CRAMP1: variants seen among roughly 807,000 people sequenced by gnomAD.
CRAMP1 encodes cramped chromatin regulator 1, also known as protein cramped-like.
Under a neutral mutation model 115.4 loss-of-function variants are expected in CRAMP1, and 50 were observed. That is an observed-to-expected ratio of 0.43 (90% CI 0.35 to 0.55). The LOEUF (loss-of-function observed/expected upper bound fraction) is 0.55. CRAMP1 is among the 20% of genes least tolerant of loss of function. The pLI is 0.01. For missense variants in CRAMP1, 1,679 were observed against 1,721.7 expected (o/e 0.98, Z 0.44); for synonymous variants, 866 against 745.4 (o/e 1.16, Z -2.64).
chr16:1,643,956 CTTT>C, intron 6 of CRAMP1, among the ~76,000 whole-genome samples: 3 of 152,238 alleles, frequency 2.0e-5, no homozygotes. Flanking sequence ...ATTGATTGTC[CTTT>C]TTCTTAAGGA....
At position 1,669,867 on chromosome 16, in the gene CRAMP1, C is replaced by T. The variant is rs947808664; in HGVS notation, c.3499+702C>T. 2.0e-5 allele frequency among the ~76,000 whole-genome samples: 3 copies of T among 152,154 alleles called. No individual in the cohort carries two copies. In the East Asian group the frequency reaches 5.8e-4, roughly 29 times the overall value. Reference sequence around the variant, plus strand: ...GCCTGACAGCTCTGAACCAGTTGGGCGACCTGGGTCTGGGAGGTGCTGAGG... The same window carrying T: ...GCCTGACAGCTCTGAACCAGTTGGGTGACCTGGGTCTGGGAGGTGCTGAGG... On this transcript the variant is annotated intron_variant, in intron 19 of 20. Coordinates refer to ENST00000397412, the MANE Select transcript of CRAMP1 (RefSeq NM_020825.4). The surrounding 1 kb of genome is among the most constrained non-coding windows in gnomAD (Gnocchi z 4.6).
intron 5 of CRAMP1, among the ~76,000 whole-genome samples, chr16:1,638,697 C>T (rs983454156): frequency 6.6e-6 from 1 of 152,172 alleles, no homozygotes; most frequent in Non-Finnish European, 1.5e-5. Context: ...CAGTGGGATA[C>T]TGCACGACCA....
chr16:1,667,082 C>T (rs1258556655), intron 16 of CRAMP1, among the ~76,000 whole-genome samples: 1 of 152,206 alleles, frequency 6.6e-6, no homozygotes, highest in Non-Finnish European at 1.5e-5. Flanking sequence ...CCAGCCCTGC[C>T]TGCCACAAGG....
intron 18 of CRAMP1, among the ~76,000 whole-genome samples, chr16:1,668,799 C>T (rs537689608): frequency 4.6e-5 from 7 of 152,184 alleles, no homozygotes; most frequent in African/African-American, 1.2e-4. Flanking sequence ...CTACTGCCGT[C>T]GCCTTCACTC....
rs1194264953 is a variant in CRAMP1 at position 1,659,874 on chromosome 16, T to C, written c.2236-12T>C. 1.2e-6 allele frequency: 2 copies of C among 1,612,980 alleles called. No homozygotes were observed. Among genetic ancestry groups the C allele is most frequent in the Non-Finnish European group, 8.5e-7 (1 of 1,179,572 alleles). On this transcript the variant is annotated splice_polypyrimidine_tract_variant and intron_variant, in intron 10 of 20. Coordinates refer to ENST00000397412, the MANE Select transcript of CRAMP1 (RefSeq NM_020825.4). ...CTGAGTTTGGACATTGTTTGGCCCA[T>C]TTCTGTCCTAGGCTCTGGAAGCAAA... is the stretch of plus-strand genomic sequence containing the variant.
chr16:1,632,412 G>A (rs1383635525), intron 4 of CRAMP1, 47 bp downstream of exon 4: 37 of 1,539,108 alleles, frequency 2.4e-5, no homozygotes, highest in Non-Finnish European at 2.9e-5. Flanking sequence ...AGGCAGGGCC[G>A]GCTTCTGCTC....
chr16:1,667,245 C>T lies in CRAMP1; in HGVS notation c.3037-90C>T, dbSNP rs117359761. On this transcript the variant is annotated intron_variant, in intron 16 of 20. Coordinates refer to ENST00000397412, the MANE Select transcript of CRAMP1 (RefSeq NM_020825.4). ...CTGTTAGGAGGCCAGGGGGATGGAA[C>T]GCCTCTTTTTCTGGAACTCTGTCGC... The T allele has an allele frequency of 4.6e-3, 4,722 of 1,018,376 alleles. 11 individuals carry two copies. The highest frequency in any genetic ancestry group is 6.3e-3 in the Non-Finnish European group (4,089 of 653,900). The allele number at this position is 1,018,376 out of a possible 1,614,324, so 63.1% of individuals were successfully genotyped here. A position where few individuals can be genotyped will look rare whatever the true frequency, so the allele number is the denominator to read the frequency against.
chr16:1,675,779 A>G lies in CRAMP1; in HGVS notation c.*1734A>G, dbSNP rs2036962373. ...TGGCTTCCCTCCTTCAGACATTGAC[A>G]TGAGATCTTAAGCAAACAGTCCCAA... On this transcript the variant is annotated 3_prime_UTR_variant, in exon 21 of 21. Transcript: ENST00000397412. The G allele has an allele frequency of 6.6e-6, 1 of 152,256 alleles. No homozygotes were observed. Among genetic ancestry groups the G allele is most frequent in the African/African-American group, 2.4e-5 (1 of 41,468 alleles). The allele number at this position is 152,256 out of a possible 1,614,324, so 9.4% of individuals were successfully genotyped here.
intron 6 of CRAMP1, 126 bp from the exon 7 acceptor site, chr16:1,652,370 C>T (rs1027715283): frequency 3.6e-5 from 26 of 728,446 alleles, no homozygotes; most frequent in Middle Eastern, 3.4e-4. Context: ...TACGCGGGCT[C>T]GAGAGGCTGG....
chr16:1,645,843 C>A (rs1362105540), intron 6 of CRAMP1, among the ~76,000 whole-genome samples: 4 of 152,178 alleles, frequency 2.6e-5, no homozygotes, highest in Non-Finnish European at 5.9e-5. Context: ...ACTTACAGTT[C>A]TAGAAGTTTT....
At position 1,613,768 on chromosome 16, in the gene CRAMP1, G is replaced by T. The variant is rs2036387344; in HGVS notation, c.-1-871G>T. Among the ~76,000 whole-genome samples, 3 of 152,184 alleles carry T rather than the reference G, an allele frequency of 2.0e-5. No individual in the cohort carries two copies. In the South Asian group the frequency reaches 6.2e-4, roughly 32 times the overall value. ...CTACCGCTTCTTGCACCTGGACCCG[G>T]ACATAACTGGGCTGTCACTTTCCCG... On this transcript the variant is annotated intron_variant, in intron 1 of 20. Transcript: ENST00000397412.
In CRAMP1 at chr16:1,676,872, G is replaced by A. The variant is rs1049972952; in HGVS notation, c.*2827G>A. On this transcript the variant is annotated 3_prime_UTR_variant, in exon 21 of 21. Transcript: ENST00000397412. Reference sequence around the variant, plus strand: ...TGTAGGGTGCCAGCTCAGGGAGTGGGGTGTTGGCGGCGTTTCCGCGGTTGG... The same window carrying A: ...TGTAGGGTGCCAGCTCAGGGAGTGGAGTGTTGGCGGCGTTTCCGCGGTTGG... 4 of 152,298 alleles carry A rather than the reference G, an allele frequency of 2.6e-5. No individual in the cohort carries two copies. The highest frequency in any genetic ancestry group is 2.6e-4 in the Admixed American group (4 of 15,280). The allele number at this position is 152,298 out of a possible 1,614,324, so 9.4% of individuals were successfully genotyped here. A position where few individuals can be genotyped will look rare whatever the true frequency, so the allele number is the denominator to read the frequency against.
At chr16:1,665,029 C>T in intron 13 of CRAMP1, 28 bp from the exon 14 acceptor site, 2 of 1,503,616 alleles carry the variant, frequency 1.3e-6, no homozygotes, top group Non-Finnish European at 9.3e-7. Context: ...AGTTTCATCA[C>T]CTTGATTGTT....
At position 1,666,646 on chromosome 16, in the gene CRAMP1, G is replaced by C. The variant is rs1272945488; in HGVS notation, c.3036+46G>C. 6.4e-7 allele frequency: 1 copy of C among 1,558,834 alleles called. No individual in the cohort carries two copies. The highest frequency in any genetic ancestry group is 1.7e-5 in the Admixed American group (1 of 59,490). The stretch of plus-strand genomic sequence containing the variant: ...TTTTCAGCATTACCACCAACTTCTG[G>C]TGTGGACGCCAAAGCCATGGGGCTG... On this transcript the variant is annotated intron_variant, in intron 16 of 20. Transcript: ENST00000397412. This position sits in a 1 kb window ranked among gnomAD's most constrained non-coding sequence, Gnocchi z 5.0.
intron 18 of CRAMP1, among the ~76,000 whole-genome samples, chr16:1,668,682 C>T (rs2036896572): frequency 6.6e-6 from 1 of 152,202 alleles, no homozygotes; most frequent in African/African-American, 2.4e-5. Flanking sequence ...TTGGGCAGCT[C>T]ACCACCTTGC....
At chr16:1,654,259 G>A (rs1365673644) in intron 8 of CRAMP1, among the ~76,000 whole-genome samples, 1 of 150,050 alleles carries the variant, frequency 6.7e-6, no homozygotes, top group Non-Finnish European at 1.5e-5. Context: ...GGCTCAGGCT[G>A]GAGTGCAAAT....
At position 1,669,290 on chromosome 16, in the gene CRAMP1, G is replaced by A. The variant is rs1442663024; in HGVS notation, c.3499+125G>A. ...CTGTTGGCTTGTTCGCTTCTCAAGT[G>A]TTTGTATTTTTCTGAGTTAATATTT... On this transcript the variant is annotated intron_variant, in intron 19 of 20. Transcript: ENST00000397412. This position sits in a 1 kb window ranked among gnomAD's most constrained non-coding sequence, Gnocchi z 4.6. 2.7e-5 allele frequency: 20 copies of A among 731,680 alleles called. No individual in the cohort carries two copies. The highest frequency in any genetic ancestry group is 4.2e-6 in the Non-Finnish European group (2 of 478,190). The allele number at this position is 731,680 out of a possible 1,614,324, so 45.3% of individuals were successfully genotyped here.
chr16:1,616,009 C>T (rs906350841), intron 2 of CRAMP1, among the ~76,000 whole-genome samples: 2 of 152,200 alleles, frequency 1.3e-5, no homozygotes, highest in African/African-American at 4.8e-5. Context: ...AAGCCCACTT[C>T]TCCTGCCGCA....
chr16:1,641,158 A>G lies in CRAMP1; in HGVS notation c.798A>G (p.Ala266=), dbSNP rs747183280. Residue 266 remains alanine, a synonymous_variant, in exon 6 of 21, where the codon GCA becomes GCG. Transcript: ENST00000397412. Reference sequence around the variant, plus strand: ...TTAAAGGTATGGATGACAAGAATGCAACAAAGCTGAATGAACTCATTCAGG... The same window carrying G: ...TTAAAGGTATGGATGACAAGAATGCGACAAAGCTGAATGAACTCATTCAGG... ...KIGGCMDDKN[A]TKLNELIQVG... 9.3e-6 allele frequency: 15 copies of G among 1,611,946 alleles called. No homozygotes were observed. The highest frequency in any genetic ancestry group is 1.2e-5 in the Non-Finnish European group (14 of 1,178,170).
Sources: allele counts gnomAD v4.1 joint callset (sites outside exome capture counted in the v4.1 genomes callset), GRCh38; gene constraint gnomAD v4.1.1; non-coding constraint Gnocchi (gnomAD v3.1); transcripts MANE v1.5; gene names NCBI Gene and HGNC (gene_info 2026-07-23, HGNC 2026-07-21).